PDE4D: variants seen among roughly 807,000 people sequenced by gnomAD.
PDE4D encodes the protein 3',5'-cyclic-AMP phosphodiesterase 4D.
PDE4D carries 24 observed loss-of-function variants against 87.4 expected under a neutral mutation model. That is an observed-to-expected ratio of 0.27 (90% confidence interval 0.20 to 0.39). The LOEUF (loss-of-function observed/expected upper bound fraction) is 0.39. Among genes scored for constraint, PDE4D ranks in the 10% least tolerant of loss-of-function variants. The probability of loss-of-function intolerance (pLI) is 1.00; values close to 1 mark genes in which losing one functional copy is unlikely to be tolerated. For missense variants in PDE4D, 714 were observed against 1,041.0 expected (o/e 0.69, Z 4.32); for synonymous variants, 384 against 383.2 (o/e 1.00, Z -0.02).
chr5:59,856,219 G>T (rs1259099431), intron 1 of PDE4D, among the ~76,000 whole-genome samples: 1 of 152,080 alleles, frequency 6.6e-6, no homozygotes, highest in Admixed American at 6.6e-5. Flanking sequence ...AAGATAAGTG[G>T]TATTTCTCTT....
chr5:60,464,115 T>C (rs990218782), intron 1 of PDE4D, among the ~76,000 whole-genome samples: 1 of 152,178 alleles, frequency 6.6e-6, no homozygotes, highest in Admixed American at 6.5e-5. Flanking sequence ...GGTCCAACCC[T>C]TCCAGAAGAA....
intron 1 of PDE4D, among the ~76,000 whole-genome samples, chr5:59,303,570 G>A (rs906356884): frequency 9.2e-5 from 14 of 152,050 alleles, no homozygotes; most frequent in African/African-American, 1.7e-4. Flanking sequence ...TTTTGTATAC[G>A]GTGAGAGATA....
chr5:59,863,120 C>T (rs1746519468), intron 1 of PDE4D, among the ~76,000 whole-genome samples: 1 of 152,152 alleles, frequency 6.6e-6, no homozygotes, highest in South Asian at 2.1e-4. Flanking sequence ...AATAATTTTA[C>T]ATTTTATGCT....
chr5:59,821,507 T>G (rs1316507443), intron 1 of PDE4D, among the ~76,000 whole-genome samples: 1 of 152,204 alleles, frequency 6.6e-6, no homozygotes, highest in Non-Finnish European at 1.5e-5. Flanking sequence ...TCTAATTTAT[T>G]TATATTGTTA....
At chr5:59,790,776 G>A (rs1765695179) in intron 1 of PDE4D, among the ~76,000 whole-genome samples, 1 of 151,990 alleles carries the variant, frequency 6.6e-6, no homozygotes, top group Non-Finnish European at 1.5e-5. Flanking sequence ...GCAATTCATT[G>A]TGAAATTAAC....
intron 1 of PDE4D, among the ~76,000 whole-genome samples, chr5:59,334,389 G>T (rs1290317060): frequency 6.6e-6 from 1 of 150,954 alleles, no homozygotes. Flanking sequence ...CTCCCTAGTA[G>T]CTGGGACTAC....
intron 1 of PDE4D, among the ~76,000 whole-genome samples, chr5:59,234,706 C>A (rs1019158078): frequency 1.3e-5 from 2 of 152,098 alleles, no homozygotes; most frequent in African/African-American, 4.8e-5. Flanking sequence ...AAAATAACTT[C>A]TACTCTTTTT....
intron 1 of PDE4D, among the ~76,000 whole-genome samples, chr5:60,378,913 GAA>G (rs1344285119): frequency 6.6e-6 from 1 of 152,004 alleles, no homozygotes; most frequent in Non-Finnish European, 1.5e-5. Context: ...AAGAAAGAAA[GAA>G]AGCAGTATGT....
At chr5:59,857,249 T>C (rs9292217) in intron 1 of PDE4D, among the ~76,000 whole-genome samples, 15,626 of 152,170 alleles carry the variant, frequency 0.1, 2,539 homozygotes, top group African/African-American at 0.34. Context: ...GAGCAGGGGA[T>C]ACCTGTAACT....
chr5:59,295,857 A>T (rs1241629242), intron 1 of PDE4D, among the ~76,000 whole-genome samples: 1 of 152,058 alleles, frequency 6.6e-6, no homozygotes, highest in Non-Finnish European at 1.5e-5. Context: ...AACAAAAAAA[A>T]AAACAGCTTT....
At chr5:60,101,248 C>T (rs1359031056) in intron 2 of PDE4D, among the ~76,000 whole-genome samples, 1 of 152,034 alleles carries the variant, frequency 6.6e-6, no homozygotes, top group Non-Finnish European at 1.5e-5. Context: ...GAAATGAATG[C>T]AGGTCCAAAA....
chr5:59,784,800 T>A (rs1222547489), intron 1 of PDE4D, among the ~76,000 whole-genome samples: 1 of 152,190 alleles, frequency 6.6e-6, no homozygotes, highest in Non-Finnish European at 1.5e-5. Flanking sequence ...AGGGACCTGG[T>A]GGGAGATAAT....
At chr5:59,253,691 C>A (rs1033447980) in intron 1 of PDE4D, among the ~76,000 whole-genome samples, 3 of 151,890 alleles carry the variant, frequency 2.0e-5, no homozygotes, top group African/African-American at 4.8e-5. Context: ...TTTTCTATAT[C>A]TTTCTTAATG....
intron 1 of PDE4D, among the ~76,000 whole-genome samples, chr5:59,328,519 T>C (rs1178098417): frequency 6.6e-6 from 1 of 152,158 alleles, no homozygotes; most frequent in African/African-American, 2.4e-5. Flanking sequence ...CACAAGTGTA[T>C]GTTGGGAGAA....
At chr5:59,279,237 A>C (rs2153546408) in intron 1 of PDE4D, among the ~76,000 whole-genome samples, 1 of 152,106 alleles carries the variant, frequency 6.6e-6, no homozygotes, top group Middle Eastern at 3.4e-3. Context: ...TGTCAAACTA[A>C]CTTTTTAGAA....
At chr5:59,606,940 G>C (rs1017199313) in intron 1 of PDE4D, among the ~76,000 whole-genome samples, 48 of 152,028 alleles carry the variant, frequency 3.2e-4, no homozygotes, top group Non-Finnish European at 5.0e-4. Flanking sequence ...TTACAGAAGG[G>C]GGGGAAGGGG....
intron 1 of PDE4D, among the ~76,000 whole-genome samples, chr5:59,700,071 C>A (rs764082738): frequency 6.6e-6 from 1 of 152,116 alleles, no homozygotes; most frequent in South Asian, 2.1e-4. Context: ...AATTTTAATA[C>A]CCTGCACAAT....
intron 2 of PDE4D, among the ~76,000 whole-genome samples, chr5:59,992,136 G>A (rs1267109251): frequency 6.6e-6 from 1 of 152,190 alleles, no homozygotes; most frequent in Non-Finnish European, 1.5e-5. Context: ...TCTTAAACAG[G>A]TGGACTCTTG....
At chr5:60,465,222 C>G (rs952935748) in intron 1 of PDE4D, among the ~76,000 whole-genome samples, 12 of 152,080 alleles carry the variant, frequency 7.9e-5, no homozygotes, top group African/African-American at 2.9e-4. Flanking sequence ...TATATTAGTC[C>G]TTGGCATTAT....
Sources: allele counts gnomAD v4.1 joint callset (sites outside exome capture counted in the v4.1 genomes callset), GRCh38; gene constraint gnomAD v4.1.1; transcripts MANE v1.5; gene names NCBI Gene and HGNC (gene_info 2026-07-23, HGNC 2026-07-21).